Variants in MAGI2 observed in about 807,000 individuals in gnomAD.
MAGI2 encodes the protein membrane associated guanylate kinase, WW and PDZ domain containing 2.
MAGI2 carries 35 observed loss-of-function variants against 133.3 expected under a neutral mutation model. The observed-to-expected ratio is 0.26, with a 90% CI of 0.20 to 0.35. The LOEUF is 0.35. Among genes scored for constraint, MAGI2 ranks in the 10% least tolerant of loss-of-function variants. MAGI2 has a pLI of 1.00. For synonymous variants in MAGI2, 729 were observed against 710.6 expected (o/e 1.03, Z -0.41); for missense variants, 1,636 against 1,863.4 (o/e 0.88, Z 2.25).
chr7:78,132,027 A>G (rs539617774), intron 18 of MAGI2, among the ~76,000 whole-genome samples: 1 of 152,094 alleles, frequency 6.6e-6, no homozygotes, highest in African/African-American at 2.4e-5. Flanking sequence ...GGCGTGTACC[A>G]CCACAACCGG....
chr7:78,454,217 T>C (rs1263755237), intron 6 of MAGI2, among the ~76,000 whole-genome samples: 2 of 152,142 alleles, frequency 1.3e-5, no homozygotes, highest in Admixed American at 6.6e-5. Flanking sequence ...AAGGTGTTTT[T>C]GGTTTTGTTT....
intron 1 of MAGI2, among the ~76,000 whole-genome samples, chr7:79,097,431 G>C (rs1322099797): frequency 6.6e-6 from 1 of 152,166 alleles, no homozygotes; most frequent in East Asian, 1.9e-4. Flanking sequence ...CTGTTATGTT[G>C]AGATGTGGAT....
At chr7:78,257,915 G>A (rs1793151599) in intron 9 of MAGI2, among the ~76,000 whole-genome samples, 1 of 152,212 alleles carries the variant, frequency 6.6e-6, no homozygotes, top group Non-Finnish European at 1.5e-5. Flanking sequence ...TGCCCAGCAA[G>A]CTTGCAAACG....
At chr7:78,119,714 T>C (rs1820240747) in intron 20 of MAGI2, among the ~76,000 whole-genome samples, 1 of 152,064 alleles carries the variant, frequency 6.6e-6, no homozygotes, top group South Asian at 2.1e-4. Flanking sequence ...GAGGAGGCTG[T>C]GCATGTGTGG....
At chr7:78,398,247 T>C (rs1796538602) in intron 6 of MAGI2, among the ~76,000 whole-genome samples, 1 of 152,186 alleles carries the variant, frequency 6.6e-6, no homozygotes, top group African/African-American at 2.4e-5. Context: ...TATCTGTTCT[T>C]ATAAGAGAAC....
intron 2 of MAGI2, among the ~76,000 whole-genome samples, chr7:78,776,406 T>C (rs1487401200): frequency 1.3e-5 from 2 of 152,208 alleles, no homozygotes; most frequent in Non-Finnish European, 2.9e-5. Flanking sequence ...AATTGATCCA[T>C]AGTAGATGGT....
intron 2 of MAGI2, among the ~76,000 whole-genome samples, chr7:78,664,815 T>C (rs1813366156): frequency 6.6e-6 from 1 of 152,026 alleles, no homozygotes; most frequent in Admixed American, 6.6e-5. Context: ...TGCTTGAAAC[T>C]TTTTAAAAGC....
At chr7:78,189,378 A>G (rs183411848) in intron 12 of MAGI2, among the ~76,000 whole-genome samples, 1 of 152,302 alleles carries the variant, frequency 6.6e-6, no homozygotes, top group Admixed American at 6.5e-5. Flanking sequence ...TACCTTTGCT[A>G]TGATACTCAT....
chr7:78,147,474 A>T (rs1823419785), intron 16 of MAGI2, among the ~76,000 whole-genome samples: 1 of 151,894 alleles, frequency 6.6e-6, no homozygotes, highest in Admixed American at 6.6e-5. Context: ...TTTCAGTTTT[A>T]CTAAGCAAAT....
At chr7:79,322,722 G>A (rs1403224797) in intron 1 of MAGI2, among the ~76,000 whole-genome samples, 10 of 151,060 alleles carry the variant, frequency 6.6e-5, no homozygotes, top group African/African-American at 2.4e-4. Flanking sequence ...GGAGGCAGAG[G>A]TTGCGGTGAG....
chr7:79,070,374 TC>T (rs550300964), intron 1 of MAGI2, among the ~76,000 whole-genome samples: 5 of 151,826 alleles, frequency 3.3e-5, no homozygotes, highest in African/African-American at 4.8e-5. Flanking sequence ...ATCTCTGATA[TC>T]CTTTCTTCTG....
At chr7:79,090,075 AT>A (rs34259103) in intron 1 of MAGI2, among the ~76,000 whole-genome samples, 1 of 151,996 alleles carries the variant, frequency 6.6e-6, no homozygotes, top group Non-Finnish European at 1.5e-5. Context: ...AATCAATTGC[AT>A]TTTCCCCTTT....
At chr7:78,541,726 G>T (rs918588677) in intron 3 of MAGI2, among the ~76,000 whole-genome samples, 1 of 152,116 alleles carries the variant, frequency 6.6e-6, no homozygotes, top group Non-Finnish European at 1.5e-5. Context: ...TAGAATGCAC[G>T]TTACTATCTA....
intron 10 of MAGI2, among the ~76,000 whole-genome samples, chr7:78,249,216 G>A (rs567747065): frequency 4.6e-5 from 7 of 152,196 alleles, no homozygotes; most frequent in African/African-American, 1.7e-4. Context: ...AAGATAACAA[G>A]TGTCGGCGAG....
At chr7:79,288,617 A>T (rs1290344818) in intron 1 of MAGI2, among the ~76,000 whole-genome samples, 1 of 152,176 alleles carries the variant, frequency 6.6e-6, no homozygotes, top group African/African-American at 2.4e-5. Flanking sequence ...ATATCATTTT[A>T]CCAACTGGTA....
At chr7:78,526,966 C>G (rs775531803) in intron 3 of MAGI2, among the ~76,000 whole-genome samples, 1 of 133,092 alleles carries the variant, frequency 7.5e-6, no homozygotes, top group Non-Finnish European at 1.5e-5. Flanking sequence ...CGAGATCACG[C>G]CACTGCACTC....
intron 1 of MAGI2, among the ~76,000 whole-genome samples, chr7:79,445,389 T>A (rs895330002): frequency 3.9e-5 from 6 of 152,030 alleles, no homozygotes; most frequent in African/African-American, 1.2e-4. Flanking sequence ...ACCTACAGAA[T>A]GGGAGAAAAT....
chr7:79,246,900 C>A (rs1238478900), intron 1 of MAGI2, among the ~76,000 whole-genome samples: 1 of 152,054 alleles, frequency 6.6e-6, no homozygotes, highest in East Asian at 1.9e-4. Context: ...ATCCTAAAGG[C>A]AGCAAGAGAA....
chr7:78,922,920 G>C (rs1353576523), intron 2 of MAGI2, among the ~76,000 whole-genome samples: 1 of 151,742 alleles, frequency 6.6e-6, no homozygotes, highest in Non-Finnish European at 1.5e-5. Flanking sequence ...TTGTGGTTTT[G>C]ATTTGCATTT....
Sources: gnomAD v4.1 joint callset for allele counts (sites outside exome capture counted in the v4.1 genomes callset) on GRCh38, gnomAD v4.1.1 for gene constraint, MANE v1.5 for transcripts, NCBI Gene and HGNC (gene_info 2026-07-23, HGNC 2026-07-21) for gene names.